The following ATL2 variants were observed in gnomAD, a reference collection of about 807,000 sequenced individuals.
The protein encoded by ATL2 is atlastin GTPase 2.
ATL2 carries 31 observed loss-of-function variants against 73.9 expected under a neutral mutation model. The ratio of observed to expected loss-of-function variants is 0.42; its 90% CI spans 0.32 to 0.57. The LOEUF is 0.57. Ranked by LOEUF, ATL2 falls within the 20% of genes least tolerant of loss-of-function variation. The probability of loss-of-function intolerance (pLI) is 0.14; values close to 1 mark genes in which losing one functional copy is unlikely to be tolerated. For missense variants in ATL2, 738 were observed against 702.6 expected (o/e 1.05, Z -0.57); for synonymous variants, 291 against 237.5 (o/e 1.23, Z -2.07).
intron 1 of ATL2, among the ~76,000 whole-genome samples, chr2:38,369,941 G>A (rs1671570181): frequency 6.7e-6 from 1 of 149,718 alleles, no homozygotes; most frequent in Non-Finnish European, 1.5e-5. Context: ...CACGAGGTCA[G>A]GAGATTGAGA....
intron 7 of ATL2, among the ~76,000 whole-genome samples, chr2:38,311,384 T>TCTCCTAAACACTCTTCTGGAAGG (rs1667749468): frequency 6.6e-6 from 1 of 152,148 alleles, no homozygotes; most frequent in African/African-American, 2.4e-5. Flanking sequence ...ACTCACACAG[T>TCTCCTAAACACTCTTCTGGAAGG]CTCCTAAACA....
intron 1 of ATL2, among the ~76,000 whole-genome samples, chr2:38,361,683 A>G (rs1308465127): frequency 6.6e-6 from 1 of 152,182 alleles, no homozygotes; most frequent in Non-Finnish European, 1.5e-5. Context: ...TTTCTCTGTC[A>G]TTTTTGTAAG....
intron 1 of ATL2, 35 bp downstream of exon 1, chr2:38,377,108 C>G (rs954674629): frequency 3.6e-5 from 58 of 1,594,664 alleles, no homozygotes; most frequent in Non-Finnish European, 4.4e-5. Context: ...CTCTCCCCAT[C>G]AGGGCCCCGC....
rs72803197 is a variant in ATL2 at position 38,328,407 on chromosome 2, G to A, written c.364-9388C>T. Among the ~76,000 whole-genome samples, 818 of 152,186 alleles carry A rather than the reference G, an allele frequency of 5.4e-3. 2 individuals are homozygous for A. The highest frequency in any genetic ancestry group is 9.2e-3 in the Non-Finnish European group (627 of 68,014). On this transcript the variant is annotated intron_variant, in intron 2 of 12. Coordinates refer to ENST00000378954, the MANE Select transcript of ATL2 (RefSeq NM_001135673.4). ...CAAACTCACAAAGAACATTCACCAA[G>A]GTAGACCATATCCTGAGCCTTAAAA...
chr2:38,296,576 C>G (rs774997459), intron 12 of ATL2: 1 of 1,614,008 alleles, frequency 6.2e-7, no homozygotes, highest in Non-Finnish European at 8.5e-7. Context: ...TAACTTCAAA[C>G]AGTTTGGAAA....
rs1356797802 is a variant in ATL2 at position 38,311,796 on chromosome 2, A to G, written c.805-1349T>C. Reference sequence around the variant, plus strand: ...TTATGATTTGAGCAATTTTCTGAATATATGTATAACATTTCAATAAAAAGT... The same window carrying G: ...TTATGATTTGAGCAATTTTCTGAATGTATGTATAACATTTCAATAAAAAGT... On this transcript the variant is annotated intron_variant, in intron 7 of 12. Coordinates refer to ENST00000378954, the MANE Select transcript of ATL2 (RefSeq NM_001135673.4). Among the ~76,000 whole-genome samples, 5 of 152,230 alleles carry G rather than the reference A, an allele frequency of 3.3e-5. No individual in the cohort carries two copies. The South Asian group carries it at 8.3e-4, about 25-fold the overall frequency.
intron 1 of ATL2, among the ~76,000 whole-genome samples, chr2:38,370,079 C>CG (rs1558462428): frequency 1.5e-5 from 2 of 135,656 alleles, no homozygotes; most frequent in East Asian, 2.3e-4. Context: ...GCGTGAACCC[C>CG]GGGGGGCGGA....
At chr2:38,331,698 C>T (rs1215091466) in intron 2 of ATL2, among the ~76,000 whole-genome samples, 1 of 150,708 alleles carries the variant, frequency 6.6e-6, no homozygotes, top group Non-Finnish European at 1.5e-5. Context: ...TATCTATAAT[C>T]AACTGGTTTT....
At chr2:38,310,525 A>G (rs1667699801) in intron 7 of ATL2, 78 bp from the exon 8 acceptor site, 4 of 1,167,000 alleles carry the variant, frequency 3.4e-6, no homozygotes, top group East Asian at 2.5e-5. Context: ...ACAGACTCGC[A>G]TGCACACTAT....
Position 38,310,418 on chromosome 2 carries a change from C to G in ATL2, c.834G>C (p.Gln278His), listed in dbSNP as rs768783771. Residue 278 changes from glutamine to histidine, a missense_variant, in exon 8 of 13, where the codon CAG (glutamine) becomes CAC (histidine). Gln to His is a conservative substitution (Grantham distance 24, BLOSUM62 0). Transcript: ENST00000378954. ...QVKQNQHEEL[Q>H]NVRKHIHNCF... The stretch of plus-strand genomic sequence containing the variant: ...AATTGTGTATGTGCTTCCTTACATT[C>G]TGAAGCTCTTCATGTTGATTTTGTT... The G allele has an allele frequency of 1.2e-6, 2 of 1,605,652 alleles. No homozygotes were observed. The highest frequency in any genetic ancestry group is 1.7e-6 in the Non-Finnish European group (2 of 1,176,762).
At chr2:38,319,975 G>C (rs1379915798) in intron 2 of ATL2, among the ~76,000 whole-genome samples, 2 of 152,078 alleles carry the variant, frequency 1.3e-5, no homozygotes, top group Admixed American at 6.6e-5. Context: ...AGGTGTTGTG[G>C]CATATGCCTA....
intron 1 of ATL2, among the ~76,000 whole-genome samples, chr2:38,357,739 T>G (rs1384347346): frequency 6.6e-6 from 1 of 151,690 alleles, no homozygotes; most frequent in East Asian, 1.9e-4. Context: ...GTTTTAGGCA[T>G]TAATAGAACA....
chr2:38,357,613 C>G (rs986652137), intron 1 of ATL2, among the ~76,000 whole-genome samples: 3 of 136,530 alleles, frequency 2.2e-5, no homozygotes, highest in Non-Finnish European at 4.5e-5. Context: ...GATCGCACCA[C>G]TGCACTCCAG....
Position 38,318,819 on chromosome 2 carries a change from G to C in ATL2, c.498+66C>G, listed in dbSNP as rs1668168127. On this transcript the variant is annotated intron_variant, in intron 3 of 12. Transcript: ENST00000378954. ...AACATTAATAGTTCTGTGTTGTTTT[G>C]ATTTTTAATACTGGAAAATAGCCCA... is the stretch of plus-strand genomic sequence containing the variant. The C allele has an allele frequency of 1.4e-5, 21 of 1,538,630 alleles. No homozygotes were observed. The East Asian group carries it at 4.3e-4, about 31-fold the overall frequency.
At chr2:38,322,765 G>A (rs1359751439) in intron 2 of ATL2, among the ~76,000 whole-genome samples, 1 of 152,274 alleles carries the variant, frequency 6.6e-6, no homozygotes, top group East Asian at 1.9e-4. Context: ...TGTAATCCCA[G>A]CACTTTGGGA....
Position 38,343,381 on chromosome 2 carries a change from A to G in ATL2, c.250T>C (p.Leu84=), listed in dbSNP as rs372288670. 5.0e-6 allele frequency: 8 copies of G among 1,612,460 alleles called. No homozygotes were observed. Among genetic ancestry groups the G allele is most frequent in the South Asian group, 1.1e-5 (1 of 90,974 alleles). Residue 84 remains leucine, a synonymous_variant, in exon 2 of 13, where the codon TTG becomes CTG. Transcript: ENST00000378954. ...AGATCTCGTATGTGCTCCTGTAGCA[A>G]TATCTGCTCCAAAGCTTCTTCATCA... ...ELDEEALEQI[L]LQEHIRDLNI...
Position 38,318,933 on chromosome 2 carries a change from T to C in ATL2, c.450A>G (p.Ile150Met), listed in dbSNP as rs533547938. 1.9e-6 allele frequency: 3 copies of C among 1,614,088 alleles called. No homozygotes were observed. Among genetic ancestry groups the C allele is most frequent in the Non-Finnish European group, 2.5e-6 (3 of 1,179,952 alleles). Residue 150 changes from isoleucine (I) to methionine (M), a missense_variant, in exon 3 of 13, where the codon ATA becomes ATG. Transcript: ENST00000378954. ...RGGCERETTG[I>M]QVWNEVFVID... is the part of the protein sequence containing the mutation. The stretch of plus-strand genomic sequence containing the variant: ...TCACAAATACTTCATTCCAAACTTG[T>C]ATGCCTGTTGTTTCTCTTTCACAGC...
At chr2:38,363,444 A>G (rs1671127331) in intron 1 of ATL2, among the ~76,000 whole-genome samples, 2 of 151,992 alleles carry the variant, frequency 1.3e-5, no homozygotes, top group South Asian at 4.1e-4. Flanking sequence ...TCCCTAGTTA[A>G]TATGTATTTA....
chr2:38,322,701 C>T (rs1668391550), intron 2 of ATL2, among the ~76,000 whole-genome samples: 1 of 151,994 alleles, frequency 6.6e-6, no homozygotes, highest in Non-Finnish European at 1.5e-5. Context: ...AAAAAAAATA[C>T]TAAACTGATT....
Sources: allele counts gnomAD v4.1 joint callset (sites outside exome capture counted in the v4.1 genomes callset), GRCh38; gene constraint gnomAD v4.1.1; transcripts MANE v1.5; gene names NCBI Gene and HGNC (gene_info 2026-07-23, HGNC 2026-07-21).